The following RANBP2 variants were observed in gnomAD, a reference collection of about 807,000 sequenced individuals.
The protein encoded by RANBP2 is E3 SUMO-protein ligase RanBP2.
RANBP2 carries 57 observed loss-of-function variants against 303.6 expected under a neutral mutation model. That is an observed-to-expected ratio of 0.19 (90% confidence interval 0.15 to 0.23). The LOEUF is 0.23. Ranked by LOEUF, RANBP2 falls within the 10% of genes least tolerant of loss-of-function variation. The pLI, the probability that RANBP2 is intolerant of heterozygous loss-of-function variation, is 1.00. For synonymous variants in RANBP2, 1,167 were observed against 1,301.5 expected (o/e 0.90, Z 2.23); for missense variants, 3,138 against 3,780.8 (o/e 0.83, Z 4.46).
At chr2:109,498,368 C>T in the RANBP2 span, among the ~76,000 whole-genome samples, 4 of 152,334 alleles carry the variant, frequency 2.6e-5, no homozygotes, top group Non-Finnish European at 5.9e-5. Context: ...TCCATGCCTC[C>T]TCCTCTTGCC....
the RANBP2 span, among the ~76,000 whole-genome samples, chr2:109,599,806 T>C: frequency 6.6e-6 from 1 of 152,152 alleles, no homozygotes; most frequent in Non-Finnish European, 1.5e-5. Flanking sequence ...ACAAATGCAA[T>C]CTTATTTTAA....
At chr2:109,240,150 G>T in the RANBP2 span, among the ~76,000 whole-genome samples, 1 of 152,204 alleles carries the variant, frequency 6.6e-6, no homozygotes. Flanking sequence ...CTCTCTTCTT[G>T]TGGAACCATG....
chr2:108,740,911 G>A (rs944672961), intron 7 of RANBP2, among the ~76,000 whole-genome samples: 12 of 151,866 alleles, frequency 7.9e-5, no homozygotes, highest in Admixed American at 5.9e-4. Flanking sequence ...GCCATGATTT[G>A]TTTGTAGACA....
the RANBP2 span, among the ~76,000 whole-genome samples, chr2:109,160,534 T>G: frequency 6.6e-6 from 1 of 152,142 alleles, no homozygotes; most frequent in Non-Finnish European, 1.5e-5. Context: ...GGATTCTGAG[T>G]TGTGCCTCTC....
the RANBP2 span, among the ~76,000 whole-genome samples, chr2:109,004,663 C>T: frequency 1.3e-5 from 2 of 152,186 alleles, no homozygotes; most frequent in Non-Finnish European, 2.9e-5. Context: ...TCCACTCTCT[C>T]AGGTTAATTC....
chr2:109,390,405 G>C, the RANBP2 span, among the ~76,000 whole-genome samples: 2 of 152,126 alleles, frequency 1.3e-5, no homozygotes, highest in African/African-American at 4.8e-5. Flanking sequence ...TTATGGACTT[G>C]GACACATTCC....
At chr2:109,190,890 A>G in the RANBP2 span, among the ~76,000 whole-genome samples, 2 of 151,734 alleles carry the variant, frequency 1.3e-5, no homozygotes, top group African/African-American at 2.4e-5. Context: ...CTACCTAATC[A>G]GAAAATATGA....
the RANBP2 span, among the ~76,000 whole-genome samples, chr2:109,400,687 T>TGC: frequency 9.3e-6 from 1 of 107,052 alleles, no homozygotes; most frequent in Non-Finnish European, 2.0e-5. Context: ...CATTGGTGGA[T>TGC]ACACACCTGC....
At chr2:109,553,276 G>T in the RANBP2 span, 1 of 1,583,652 alleles carries the variant, frequency 6.3e-7, no homozygotes. Flanking sequence ...CGGGTATGGC[G>T]GCTCACGCCT....
chr2:109,438,345 T>G, the RANBP2 span, among the ~76,000 whole-genome samples: 1 of 152,048 alleles, frequency 6.6e-6, no homozygotes, highest in African/African-American at 2.4e-5. Context: ...AGGTATAGGG[T>G]GAACTTTGGG....
At chr2:109,684,535 G>A in the RANBP2 span, among the ~76,000 whole-genome samples, 1 of 123,138 alleles carries the variant, frequency 8.1e-6, no homozygotes, top group Non-Finnish European at 1.8e-5. Context: ...CACTGCACCC[G>A]GGCTTTTTTT....
At chr2:109,674,311 T>C in the RANBP2 span, among the ~76,000 whole-genome samples, 1 of 146,966 alleles carries the variant, frequency 6.8e-6, no homozygotes, top group African/African-American at 2.5e-5. Flanking sequence ...TCACAAAATA[T>C]ACTAGCGGTC....
At chr2:108,949,663 T>G in the RANBP2 span, among the ~76,000 whole-genome samples, 3 of 152,328 alleles carry the variant, frequency 2.0e-5, no homozygotes, top group Non-Finnish European at 4.4e-5. Context: ...GAGGATTGGT[T>G]TGGGGCTGCA....
chr2:109,050,801 A>T, the RANBP2 span, among the ~76,000 whole-genome samples: 2 of 152,142 alleles, frequency 1.3e-5, no homozygotes, highest in South Asian at 4.1e-4. Context: ...AAGAGACAAC[A>T]AAAGGATTAT....
chr2:108,834,214 A>ATTT, the RANBP2 span, among the ~76,000 whole-genome samples: 1 of 139,662 alleles, frequency 7.2e-6, no homozygotes, highest in African/African-American at 2.7e-5. Flanking sequence ...CATCTTTGAA[A>ATTT]TTTTTTTTTT....
At chr2:109,368,001 A>G in the RANBP2 span, among the ~76,000 whole-genome samples, 1 of 152,286 alleles carries the variant, frequency 6.6e-6, no homozygotes, top group African/African-American at 2.4e-5. Context: ...CAGGCAAAGG[A>G]ACAAAAGGGG....
chr2:108,913,747 A>G, the RANBP2 span, among the ~76,000 whole-genome samples: 2 of 152,024 alleles, frequency 1.3e-5, no homozygotes, highest in Non-Finnish European at 2.9e-5. Flanking sequence ...TCAGGAGATC[A>G]AGATCATCCT....
chr2:109,163,226 C>A, the RANBP2 span, among the ~76,000 whole-genome samples: 1 of 152,066 alleles, frequency 6.6e-6, no homozygotes, highest in East Asian at 1.9e-4. Context: ...AAGCCCAGAA[C>A]TATTTTTGGT....
the RANBP2 span, among the ~76,000 whole-genome samples, chr2:109,364,124 G>A: frequency 6.7e-6 from 1 of 149,032 alleles, no homozygotes; most frequent in Non-Finnish European, 1.5e-5. Context: ...TTCTTGCTTT[G>A]AAGTTGTCCT....
Sources: gnomAD v4.1 joint callset for allele counts (sites outside exome capture counted in the v4.1 genomes callset) on GRCh38, gnomAD v4.1.1 for gene constraint, MANE v1.5 for transcripts, NCBI Gene and HGNC (gene_info 2026-07-23, HGNC 2026-07-21) for gene names.